ARHGAP10: variants seen among roughly 807,000 people sequenced by gnomAD.
The protein encoded by ARHGAP10 is rho GTPase-activating protein 10.
ARHGAP10 carries 87 observed loss-of-function variants against 108.6 expected under a neutral mutation model. The observed-to-expected ratio is 0.80, with a 90% CI of 0.67 to 0.96. The LOEUF (loss-of-function observed/expected upper bound fraction) is 0.96. ARHGAP10 is among the 40% of genes least tolerant of loss of function. ARHGAP10 has a pLI of 0.00. For missense variants in ARHGAP10, 939 were observed against 954.5 expected (o/e 0.98, Z 0.21); for synonymous variants, 347 against 341.1 (o/e 1.02, Z -0.19).
At chr4:147,859,512 G>C (rs547777026) in intron 5 of ARHGAP10, among the ~76,000 whole-genome samples, 21 of 152,052 alleles carry the variant, frequency 1.4e-4, no homozygotes, top group African/African-American at 3.6e-4. Context: ...GACCTCAGGC[G>C]ATCCACCCAC....
chr4:147,999,331 G>T (rs1005658551), intron 18 of ARHGAP10, among the ~76,000 whole-genome samples: 1 of 152,210 alleles, frequency 6.6e-6, no homozygotes, highest in Non-Finnish European at 1.5e-5. Flanking sequence ...TACCCTCTTT[G>T]GGTACCCTCC....
chr4:147,786,843 C>G (rs1730911426), intron 1 of ARHGAP10, among the ~76,000 whole-genome samples: 1 of 152,174 alleles, frequency 6.6e-6, no homozygotes, highest in South Asian at 2.1e-4. Context: ...TCCTCCTGCC[C>G]TTTCTTTGTT....
chr4:147,878,629 T>G (rs1348196880), intron 8 of ARHGAP10, among the ~76,000 whole-genome samples: 3 of 152,204 alleles, frequency 2.0e-5, no homozygotes, highest in African/African-American at 7.2e-5. Flanking sequence ...AAACAAAAAA[T>G]AGAGCTTACA....
At chr4:147,900,603 G>A (rs1384787871) in intron 10 of ARHGAP10, among the ~76,000 whole-genome samples, 1 of 152,136 alleles carries the variant, frequency 6.6e-6, no homozygotes, top group Non-Finnish European at 1.5e-5. Flanking sequence ...TGGTTTAAGT[G>A]AATTATTAGG....
Position 147,941,011 on chromosome 4 carries a change from G to A in ARHGAP10, c.1303+1112G>A, listed in dbSNP as rs1738147167. On this transcript the variant is annotated intron_variant, in intron 14 of 22. Coordinates refer to ENST00000336498, the MANE Select transcript of ARHGAP10 (RefSeq NM_024605.4). ...AGTCAGATTTTCCTTTTTACCAATA[G>A]TGGTCTCCAAATTAAATAGACTCAG... Among the ~76,000 whole-genome samples, 5 of 152,280 alleles carry A rather than the reference G, an allele frequency of 3.3e-5. 1 individual carries two copies. In the South Asian group the frequency reaches 1.0e-3, roughly 32 times the overall value.
intron 1 of ARHGAP10, among the ~76,000 whole-genome samples, chr4:147,744,239 C>G (rs1728810220): frequency 6.6e-6 from 1 of 152,084 alleles, no homozygotes; most frequent in Admixed American, 6.5e-5. Context: ...CAGAGCTTTC[C>G]CTGCTGAGAG....
intron 1 of ARHGAP10, among the ~76,000 whole-genome samples, chr4:147,821,324 T>C (rs1180750344): frequency 6.6e-6 from 1 of 152,182 alleles, no homozygotes; most frequent in African/African-American, 2.4e-5. Context: ...GGAGCTGCAA[T>C]GTCAGTGCAC....
At chr4:147,911,860 G>A (rs926744886) in intron 12 of ARHGAP10, among the ~76,000 whole-genome samples, 5 of 151,214 alleles carry the variant, frequency 3.3e-5, no homozygotes, top group African/African-American at 1.2e-4. Context: ...GGAGCATGGT[G>A]TAAAATATCA....
At position 148,046,980 on chromosome 4, in the gene ARHGAP10, T is replaced by A; in HGVS notation, c.1956T>A (p.Pro652=). 2 of 1,614,146 alleles carry A rather than the reference T, an allele frequency of 1.2e-6. No individual in the cohort carries two copies. The highest frequency in any genetic ancestry group is 1.7e-6 in the Non-Finnish European group (2 of 1,179,980). Residue 652 remains proline, a synonymous_variant, in exon 20 of 23, where the codon CCT becomes CCA. Coordinates refer to ENST00000336498, the MANE Select transcript of ARHGAP10 (RefSeq NM_024605.4). ...CGTCTCCCGTGACTACAGCTGTCCCTGGGCCTCCTGGACCAGACAAAAACC... is the reference window on the plus strand; with the variant it reads ...CGTCTCCCGTGACTACAGCTGTCCCAGGGCCTCCTGGACCAGACAAAAACC... ...SSPSPVTTAV[P]GPPGPDKNHL... is the part of the protein sequence containing the mutation.
At chr4:147,745,127 A>G (rs777975055) in intron 1 of ARHGAP10, among the ~76,000 whole-genome samples, 3 of 152,082 alleles carry the variant, frequency 2.0e-5, no homozygotes, top group African/African-American at 4.8e-5. Flanking sequence ...CATGCCACAG[A>G]GAGGTCAAGT....
In ARHGAP10 at chr4:148,070,447, G is replaced by C. The variant is rs377083308; in HGVS notation, c.2273-1546G>C. Among the ~76,000 whole-genome samples, 296 of 152,300 alleles carry C rather than the reference G, an allele frequency of 1.9e-3. 3 individuals are homozygous for C. Among genetic ancestry groups the C allele is most frequent in the African/African-American group, 6.5e-3 (272 of 41,564 alleles). On this transcript the variant is annotated intron_variant, in intron 22 of 22. Transcript: ENST00000336498. ...CGGAATGTGTTCCTATTCATCCAGG[G>C]GAGGGAAGAACAAACAGTTACCTTG...
chr4:148,039,313 T>G (rs2149675113), intron 19 of ARHGAP10, among the ~76,000 whole-genome samples: 1 of 151,564 alleles, frequency 6.6e-6, no homozygotes, highest in East Asian at 1.9e-4. Context: ...GCAGTTTGAA[T>G]ATATAATTCT....
intron 18 of ARHGAP10, among the ~76,000 whole-genome samples, chr4:148,017,874 T>G (rs1418018386): frequency 2.0e-5 from 3 of 152,068 alleles, no homozygotes; most frequent in Non-Finnish European, 4.4e-5. Flanking sequence ...AGTGGTGTAG[T>G]CATTTCCACA....
At chr4:147,810,131 T>G (rs1022572251) in intron 1 of ARHGAP10, among the ~76,000 whole-genome samples, 2 of 152,168 alleles carry the variant, frequency 1.3e-5, no homozygotes, top group Admixed American at 1.3e-4. Context: ...TGATATTGAG[T>G]GGTGGGCACA....
intron 1 of ARHGAP10, among the ~76,000 whole-genome samples, chr4:147,812,656 C>T (rs780883956): frequency 6.6e-6 from 1 of 152,204 alleles, no homozygotes; most frequent in African/African-American, 2.4e-5. Flanking sequence ...TATTCACATA[C>T]ATTTTACAAG....
rs1309427358 is a variant in ARHGAP10 at position 147,966,748 on chromosome 4, T to C, written c.1625T>C (p.Leu542Pro). Reference protein sequence around the residue: ...ANLGVVFGPTLMRPQEETVAA... With the variant: ...ANLGVVFGPTPMRPQEETVAA... ...TTAGGAGTGGTGTTTGGACCAACTC[T>C]GATGAGGCCACAGGAAGAAACTGTC... Residue 542 changes from leucine (L) to proline (P), a missense_variant, in exon 18 of 23, where the codon CTG (leucine) becomes CCG (proline). Coordinates refer to ENST00000336498, the MANE Select transcript of ARHGAP10 (RefSeq NM_024605.4). 6.2e-7 allele frequency: 1 copy of C among 1,607,356 alleles called. No individual in the cohort carries two copies. Among genetic ancestry groups the C allele is most frequent in the Non-Finnish European group, 8.5e-7 (1 of 1,175,426 alleles).
rs185979488 is a variant in ARHGAP10 at position 147,876,127 on chromosome 4, T to C, written c.832+977T>C. ...GTGCTTTGAATAGAAGTTAATGTTC[T>C]ATGCAGGCAGCAGGATGGTTGTGCC... On this transcript the variant is annotated intron_variant, in intron 8 of 22. Transcript: ENST00000336498. Among the ~76,000 whole-genome samples the C allele has an allele frequency of 7.9e-5, 12 of 152,350 alleles. No homozygotes were observed. The East Asian group carries it at 2.1e-3, about 27-fold the overall frequency.
chr4:147,954,897 C>T (rs992431900), intron 15 of ARHGAP10, among the ~76,000 whole-genome samples: 3 of 151,850 alleles, frequency 2.0e-5, no homozygotes, highest in Non-Finnish European at 2.9e-5. Flanking sequence ...TTTGTTTAAT[C>T]TTTTCTATGT....
chr4:147,819,169 A>G (rs187980224), intron 1 of ARHGAP10, among the ~76,000 whole-genome samples: 180 of 152,366 alleles, frequency 1.2e-3, no homozygotes, highest in Non-Finnish European at 1.8e-3. Flanking sequence ...AACTTTCCAG[A>G]GAACCTACTA....
Sources: allele counts gnomAD v4.1 joint callset (sites outside exome capture counted in the v4.1 genomes callset), GRCh38; gene constraint gnomAD v4.1.1; transcripts MANE v1.5; gene names NCBI Gene and HGNC (gene_info 2026-07-23, HGNC 2026-07-21).